The following CSMD1 variants were observed in gnomAD, a reference collection of about 807,000 sequenced individuals.
CSMD1 encodes the protein CUB and Sushi multiple domains 1.
In CSMD1, 213 loss-of-function variants were observed where a neutral mutation model predicts 417.5. The ratio of observed to expected loss-of-function variants is 0.51; its 90% confidence interval spans 0.46 to 0.57. CSMD1 has a LOEUF of 0.57. Ranked by LOEUF, CSMD1 falls within the 20% of genes least tolerant of loss-of-function variation. CSMD1 has a pLI of 0.00. For missense variants in CSMD1, 6,923 were observed against 4,529.7 expected (o/e 1.53, Z -15.17); for synonymous variants, 2,862 against 1,736.8 (o/e 1.65, Z -16.11).
intron 26 of CSMD1, among the ~76,000 whole-genome samples, chr8:3,270,925 T>C (rs1290962274): frequency 1.4e-5 from 2 of 138,392 alleles, no homozygotes; most frequent in Non-Finnish European, 3.1e-5. Context: ...TTTTTTTTAA[T>C]TTTTTATTTA....
At chr8:3,990,118 T>C (rs1413644606) in intron 5 of CSMD1, among the ~76,000 whole-genome samples, 1 of 152,186 alleles carries the variant, frequency 6.6e-6, no homozygotes, top group African/African-American at 2.4e-5. Context: ...AAATGAGAAA[T>C]TTATTTAACA....
intron 51 of CSMD1, among the ~76,000 whole-genome samples, chr8:3,021,339 G>C (rs1809367493): frequency 6.6e-6 from 1 of 152,172 alleles, no homozygotes; most frequent in Non-Finnish European, 1.5e-5. Context: ...GAGTTTCCTT[G>C]TATGGTAGTA....
chr8:4,449,400 G>C (rs889898496), intron 2 of CSMD1, among the ~76,000 whole-genome samples: 2 of 152,064 alleles, frequency 1.3e-5, no homozygotes, highest in African/African-American at 2.4e-5. Context: ...AGATACTGTG[G>C]CTATGTTTAG....
At chr8:2,962,791 G>A (rs549966640) in intron 60 of CSMD1, among the ~76,000 whole-genome samples, 152 bp from the exon 61 acceptor site, 1 of 152,332 alleles carries the variant, frequency 6.6e-6, no homozygotes, top group South Asian at 2.1e-4. Flanking sequence ...GCTCACGCCT[G>A]TAATCCCAAC....
chr8:4,458,132 T>C (rs904379896), intron 2 of CSMD1, among the ~76,000 whole-genome samples: 1 of 152,208 alleles, frequency 6.6e-6, no homozygotes, highest in Admixed American at 6.5e-5. Context: ...GTGTTTAAAT[T>C]ACTTTATGGT....
intron 1 of CSMD1, among the ~76,000 whole-genome samples, chr8:4,835,467 G>C (rs893441326): frequency 2.0e-5 from 3 of 152,214 alleles, no homozygotes; most frequent in African/African-American, 7.2e-5. Context: ...GGGAGAGACA[G>C]TGGATTCTTA....
chr8:4,157,743 T>C (rs922464770), intron 3 of CSMD1, among the ~76,000 whole-genome samples: 1 of 151,938 alleles, frequency 6.6e-6, no homozygotes, highest in African/African-American at 2.4e-5. Flanking sequence ...TTCCTAGGAG[T>C]CAGGGCCAGG....
rs5888980 is a variant in CSMD1, at chr8:3,656,923, T to TAAAA, written c.1010-40130_1010-40127dup. ...CTGGGCAACAGAGCAAGACTCTGTC[T>TAAAA]AAAAAAAAAAAAAGCCTTTAAAAAT... On this transcript the variant is annotated intron_variant, in intron 7 of 69. Coordinates refer to ENST00000635120, the MANE Select transcript of CSMD1 (RefSeq NM_033225.6). Among the ~76,000 whole-genome samples, 8 of 142,598 alleles carry TAAAA rather than the reference T, an allele frequency of 5.6e-5. No individual in the cohort carries two copies. In the East Asian group the frequency reaches 8.3e-4, roughly 15 times the overall value. The allele number at this position is 142,598 out of a possible 152,430, so 93.5% of individuals were successfully genotyped here.
chr8:3,480,613 T>A (rs1432128713), intron 11 of CSMD1, among the ~76,000 whole-genome samples: 4 of 152,016 alleles, frequency 2.6e-5, no homozygotes, highest in African/African-American at 9.7e-5. Flanking sequence ...AAAATAAACC[T>A]AAACAAATCC....
intron 5 of CSMD1, among the ~76,000 whole-genome samples, chr8:3,889,516 T>C (rs3102409): frequency 0.026 from 3,174 of 122,296 alleles, 224 homozygotes; most frequent in African/African-American, 0.088. Flanking sequence ...TAGGTCATGA[T>C]ATATACATAT....
chr8:3,550,669 T>C (rs1369735610), intron 10 of CSMD1, among the ~76,000 whole-genome samples: 1 of 152,208 alleles, frequency 6.6e-6, no homozygotes, highest in Non-Finnish European at 1.5e-5. Context: ...TTTCCTTAGC[T>C]GCTATGACAC....
At chr8:4,448,660 A>C (rs989392018) in intron 2 of CSMD1, among the ~76,000 whole-genome samples, 1 of 152,166 alleles carries the variant, frequency 6.6e-6, no homozygotes, top group South Asian at 2.1e-4. Flanking sequence ...ATATGTCAAC[A>C]TCTGACTTTC....
intron 10 of CSMD1, among the ~76,000 whole-genome samples, chr8:3,519,655 A>G (rs879407319): frequency 7.2e-5 from 11 of 152,236 alleles, no homozygotes; most frequent in African/African-American, 1.7e-4. Context: ...ACGAAAGCTT[A>G]TCAAGCAGCA....
intron 38 of CSMD1, among the ~76,000 whole-genome samples, chr8:3,159,529 C>A (rs539760336): frequency 6.6e-6 from 1 of 152,148 alleles, no homozygotes; most frequent in Non-Finnish European, 1.5e-5. Flanking sequence ...ATGCAAGGAA[C>A]AATGCTTTTC....
Position 2,978,749 on chromosome 8 carries a change from T to C in CSMD1, c.8429A>G (p.Gln2810Arg). The C allele has an allele frequency of 6.2e-7, 1 of 1,613,622 alleles. No individual in the cohort carries two copies. The highest frequency in any genetic ancestry group is 8.5e-7 in the Non-Finnish European group (1 of 1,179,770). ...GFVENAIRHG[Q>R]QNFPESFEYG... ...CTCAAAACTCTCAGGGAAGTTCTGT[T>C]GCCCGTGACGAATGGCATTTTCCAC... The change falls in exon 55 of 70, where the codon CAA (glutamine) becomes CGA (arginine). Residue 2810 changes from glutamine (Q) to arginine (R), a missense_variant. Gln to Arg is a conservative substitution (Grantham distance 43). Transcript: ENST00000635120.
intron 7 of CSMD1, among the ~76,000 whole-genome samples, chr8:3,684,616 T>TA (rs1487433522): frequency 2.3e-5 from 3 of 129,686 alleles, no homozygotes; most frequent in African/African-American, 5.7e-5. Flanking sequence ...TTTTTTTTTT[T>TA]AGACGGAGTC....
At chr8:4,004,255 A>G (rs1312030205) in intron 4 of CSMD1, among the ~76,000 whole-genome samples, 1 of 152,098 alleles carries the variant, frequency 6.6e-6, no homozygotes, top group Non-Finnish European at 1.5e-5. Flanking sequence ...AACATCTAAA[A>G]AACATCCCAG....
chr8:4,424,737 C>G (rs764905342), intron 2 of CSMD1, among the ~76,000 whole-genome samples: 10 of 152,188 alleles, frequency 6.6e-5, no homozygotes, highest in Non-Finnish European at 1.3e-4. Flanking sequence ...CCTAGAAATG[C>G]TCATGATGGG....
intron 18 of CSMD1, among the ~76,000 whole-genome samples, chr8:3,386,541 A>T (rs564583476): frequency 6.6e-6 from 1 of 152,336 alleles, no homozygotes; most frequent in Admixed American, 6.5e-5. Flanking sequence ...AGTTAAGCAG[A>T]ATTTTTCCAT....
Sources: gnomAD v4.1 joint callset for allele counts (sites outside exome capture counted in the v4.1 genomes callset) on GRCh38, gnomAD v4.1.1 for gene constraint, MANE v1.5 for transcripts, NCBI Gene and HGNC (gene_info 2026-07-23, HGNC 2026-07-21) for gene names.